AFDN: variants seen among roughly 807,000 people sequenced by gnomAD.
AFDN encodes afadin, adherens junction formation factor.
In AFDN, 68 loss-of-function variants were observed where a neutral mutation model predicts 216.6. The observed-to-expected ratio is 0.31, with a 90% CI of 0.26 to 0.38. The LOEUF is 0.38. Among genes scored for constraint, AFDN ranks in the 10% least tolerant of loss-of-function variants. AFDN has a pLI of 1.00. For synonymous variants in AFDN, 868 were observed against 853.7 expected, an observed-to-expected ratio of 1.02 and a Z score of -0.29; for missense variants, 2,136 against 2,342.0, an observed-to-expected ratio of 0.91 and a Z score of 1.82.
chr6:167,918,454 ATTTCTT>A lies in AFDN; in HGVS notation c.2710-277_2710-272del, dbSNP rs560676908. Among the ~76,000 whole-genome samples the A allele has an allele frequency of 4.0e-3, 608 of 152,318 alleles. 5 individuals are homozygous for A. Among genetic ancestry groups the A allele is most frequent in the African/African-American group, 0.014 (572 of 41,574 alleles). On this transcript the variant is annotated intron_variant, in intron 20 of 33. Transcript: ENST00000683244. ...AAAAGAAACTTCTTGTGATTGAACAATTTCTTTTTATTTAAAGCTACACGTTACTTA... is the reference window on the plus strand; with the variant it reads ...AAAAGAAACTTCTTGTGATTGAACAATTTATTTAAAGCTACACGTTACTTA...
At position 167,970,042 on chromosome 6, in the gene AFDN, G is replaced by T; in HGVS notation, c.*107G>T. ...GAGGAAGGGGGTTATATTTCTAAGT[G>T]ATTTACAATTTCTGTTTCTAAAATT... is the stretch of plus-strand genomic sequence containing the variant. On this transcript the variant is annotated 3_prime_UTR_variant, in exon 34 of 34. Transcript: ENST00000683244. 1 of 848,286 alleles carries T rather than the reference G, an allele frequency of 1.2e-6. No homozygotes were observed. Among genetic ancestry groups the T allele is most frequent in the South Asian group, 2.0e-5 (1 of 50,594 alleles). The allele number at this position is 848,286 out of a possible 1,614,324, so 52.5% of individuals were successfully genotyped here.
At chr6:167,849,340 T>C (rs1415605227) in intron 1 of AFDN, among the ~76,000 whole-genome samples, 2 of 152,142 alleles carry the variant, frequency 1.3e-5, no homozygotes, top group African/African-American at 4.8e-5. Context: ...TCCAGCAACA[T>C]GTTTAGGTTT....
chr6:167,920,219 A>C (rs1791604548), intron 21 of AFDN, among the ~76,000 whole-genome samples: 1 of 152,040 alleles, frequency 6.6e-6, no homozygotes, highest in African/African-American at 2.4e-5. Context: ...GTCTTGGTAG[A>C]GGTGCACCTG....
intron 6 of AFDN, among the ~76,000 whole-genome samples, chr6:167,882,241 A>AG (rs1199825542): frequency 1.3e-5 from 2 of 152,132 alleles, no homozygotes; most frequent in Admixed American, 6.5e-5. Flanking sequence ...TAAGCGATAG[A>AG]GGGGGGAAAA....
At chr6:167,850,687 T>TG (rs1397519198) in intron 1 of AFDN, among the ~76,000 whole-genome samples, 2 of 152,212 alleles carry the variant, frequency 1.3e-5, no homozygotes, top group Admixed American at 1.3e-4. Context: ...AGATTCAAGA[T>TG]GAAGATTATA....
rs1041836434 is a variant in AFDN at position 167,965,743 on chromosome 6, A to C, written c.4969-14A>C. 1 of 1,518,316 alleles carries C rather than the reference A, an allele frequency of 6.6e-7. No homozygotes were observed. Among genetic ancestry groups the C allele is most frequent in the African/African-American group, 1.4e-5 (1 of 72,646 alleles). The allele number at this position is 1,518,316 out of a possible 1,614,324, so 94.1% of individuals were successfully genotyped here. A position where few individuals can be genotyped will look rare whatever the true frequency, so the allele number is the denominator to read the frequency against. On this transcript the variant is annotated splice_polypyrimidine_tract_variant and intron_variant, in intron 31 of 33. Coordinates refer to ENST00000683244, the MANE Select transcript of AFDN (RefSeq NM_001386888.1). The stretch of plus-strand genomic sequence containing the variant: ...ACCTCTGACCTTTGCACTCTTGTCT[A>C]TTCCCGCCCGCAGAGGCGACAGGAA...
chr6:167,963,909 C>T, intron 31 of AFDN: 2 of 1,064,574 alleles, frequency 1.9e-6, no homozygotes, highest in Non-Finnish European at 2.3e-6. Context: ...GCTTGGAGGG[C>T]TGTGCTTTTC....
At chr6:167,868,968 A>G (rs985554299) in intron 2 of AFDN, among the ~76,000 whole-genome samples, 1 of 149,688 alleles carries the variant, frequency 6.7e-6, no homozygotes, top group Non-Finnish European at 1.5e-5. Context: ...TGGAAATCGG[A>G]TCTTGCCATG....
At chr6:167,894,048 TC>T in intron 9 of AFDN, 142 bp downstream of exon 9, 1 of 651,486 alleles carries the variant, frequency 1.5e-6, no homozygotes, top group Non-Finnish European at 2.7e-6. Context: ...TAATGTACTG[TC>T]ATTTTATTTG....
At chr6:167,963,742 A>T in intron 31 of AFDN, 1 of 1,062,040 alleles carries the variant, frequency 9.4e-7, no homozygotes, top group Non-Finnish European at 1.1e-6. Context: ...AGCTTTCAGG[A>T]TTAGGTTCCC....
intron 5 of AFDN, among the ~76,000 whole-genome samples, chr6:167,876,151 A>G (rs953273073): frequency 3.3e-5 from 5 of 152,160 alleles, no homozygotes; most frequent in East Asian, 1.9e-4. Context: ...TCTCCTGAGC[A>G]TATTTCAGCC....
intron 23 of AFDN, among the ~76,000 whole-genome samples, chr6:167,934,735 C>A (rs1248959026): frequency 6.6e-6 from 1 of 151,840 alleles, no homozygotes; most frequent in Non-Finnish European, 1.5e-5. Context: ...TTAATGATGT[C>A]TTTATGCTGT....
At chr6:167,905,185 G>A (rs1789508993) in intron 12 of AFDN, among the ~76,000 whole-genome samples, 1 of 152,196 alleles carries the variant, frequency 6.6e-6, no homozygotes, top group Admixed American at 6.5e-5. Context: ...AGCACCTGAT[G>A]TAAGTTATTT....
intron 23 of AFDN, among the ~76,000 whole-genome samples, chr6:167,939,476 G>A (rs1196034490): frequency 6.6e-6 from 1 of 152,214 alleles, no homozygotes; most frequent in African/African-American, 2.4e-5. Flanking sequence ...AAAAGAAGAA[G>A]AAGGACTATC....
At chr6:167,913,880 A>G (rs1000766795) in intron 16 of AFDN, 14 of 463,714 alleles carry the variant, frequency 3.0e-5, no homozygotes, top group Non-Finnish European at 5.0e-5. Flanking sequence ...ATTTGGTGTT[A>G]TATTATTTGA....
At chr6:167,916,838 G>A (rs967958419) in intron 19 of AFDN, among the ~76,000 whole-genome samples, 1 of 152,010 alleles carries the variant, frequency 6.6e-6, no homozygotes, top group Non-Finnish European at 1.5e-5. Flanking sequence ...AATGCTTTAC[G>A]AACATAAATC....
chr6:167,835,723 A>G (rs963987334), intron 1 of AFDN, among the ~76,000 whole-genome samples: 3 of 152,338 alleles, frequency 2.0e-5, no homozygotes, highest in East Asian at 3.9e-4. Flanking sequence ...CCATTCATGC[A>G]AATTCCAACA....
At chr6:167,893,836 G>A in intron 8 of AFDN, 26 bp from the exon 9 acceptor site, 1 of 1,565,028 alleles carries the variant, frequency 6.4e-7, no homozygotes, top group Non-Finnish European at 8.7e-7. Context: ...CCTTCACCTG[G>A]GTCCTGGCAT....
At chr6:167,868,863 A>T (rs1285268844) in intron 2 of AFDN, among the ~76,000 whole-genome samples, 1 of 150,836 alleles carries the variant, frequency 6.6e-6, no homozygotes, top group Non-Finnish European at 1.5e-5. Context: ...CTTGGACTCA[A>T]GTGATTCTCC....
Sources: gnomAD v4.1 joint callset for allele counts (sites outside exome capture counted in the v4.1 genomes callset) on GRCh38, gnomAD v4.1.1 for gene constraint, MANE v1.5 for transcripts, NCBI Gene and HGNC (gene_info 2026-07-23, HGNC 2026-07-21) for gene names.